Variants in ERBB4 observed in about 807,000 individuals in gnomAD.
ERBB4 encodes the protein erb-b2 receptor tyrosine kinase 4.
In ERBB4, 42 loss-of-function variants were observed where a neutral mutation model predicts 158.0. That is an observed-to-expected ratio of 0.27 (90% CI 0.21 to 0.34). The LOEUF (loss-of-function observed/expected upper bound fraction) is 0.34, where lower values mean the gene tolerates loss of function less well. ERBB4 is among the 10% of genes least tolerant of loss of function. The probability of loss-of-function intolerance (pLI) is 1.00; values close to 1 mark genes in which losing one functional copy is unlikely to be tolerated. For synonymous variants in ERBB4, 583 were observed against 558.7 expected (o/e 1.04, Z -0.61); for missense variants, 1,333 against 1,624.1 (o/e 0.82, Z 3.08).
intron 1 of ERBB4, among the ~76,000 whole-genome samples, chr2:212,178,688 T>A (rs1360533104): frequency 6.6e-6 from 1 of 151,702 alleles, no homozygotes; most frequent in African/African-American, 2.4e-5. Context: ...ACCACTAAAC[T>A]TTAAACTTTC....
intron 20 of ERBB4, among the ~76,000 whole-genome samples, chr2:211,451,699 G>A (rs1395880605): frequency 1.3e-5 from 2 of 152,246 alleles, no homozygotes; most frequent in Middle Eastern, 3.4e-3. Context: ...CAAGGTAAAT[G>A]CAACCTCTGG....
intron 12 of ERBB4, among the ~76,000 whole-genome samples, chr2:211,684,487 GA>G (rs1323819727): frequency 6.6e-6 from 1 of 151,838 alleles, no homozygotes; most frequent in Non-Finnish European, 1.5e-5. Flanking sequence ...AAGAAAAGAA[GA>G]AAAGAAAAGA....
intron 12 of ERBB4, among the ~76,000 whole-genome samples, chr2:211,696,078 CTTCCT>C (rs957936911): frequency 4.6e-5 from 6 of 130,608 alleles, no homozygotes; most frequent in African/African-American, 2.9e-5. Context: ...TCCTTCCTTC[CTTCCT>C]TTCTTCCTCT....
chr2:212,465,006 C>T (rs1171946065), intron 1 of ERBB4, among the ~76,000 whole-genome samples: 3 of 151,920 alleles, frequency 2.0e-5, no homozygotes, highest in African/African-American at 7.3e-5. Flanking sequence ...TAAAACTCTG[C>T]TCTTGCCTAG....
chr2:211,401,102 C>G (rs1020520347), intron 25 of ERBB4, among the ~76,000 whole-genome samples: 8 of 151,806 alleles, frequency 5.3e-5, no homozygotes, highest in African/African-American at 1.9e-4. Context: ...ATTAAAACTG[C>G]TATGCTTTTT....
chr2:212,367,319 C>T (rs1446278320), intron 1 of ERBB4, among the ~76,000 whole-genome samples: 3 of 151,900 alleles, frequency 2.0e-5, no homozygotes, highest in Non-Finnish European at 4.4e-5. Flanking sequence ...TCCAAGCAAA[C>T]AAAAACATAA....
intron 19 of ERBB4, among the ~76,000 whole-genome samples, chr2:211,583,468 T>C (rs1331910549): frequency 6.6e-6 from 1 of 151,842 alleles, no homozygotes; most frequent in Non-Finnish European, 1.5e-5. Flanking sequence ...GAGTAAGTTA[T>C]TTATATTCCC....
intron 2 of ERBB4, among the ~76,000 whole-genome samples, chr2:212,044,828 C>G (rs1202800676): frequency 6.6e-6 from 1 of 152,040 alleles, no homozygotes; most frequent in African/African-American, 2.4e-5. Context: ...CTGATTGAAG[C>G]TGAAAAAATA....
At chr2:212,184,537 C>T (rs956288604) in intron 1 of ERBB4, among the ~76,000 whole-genome samples, 12 of 152,008 alleles carry the variant, frequency 7.9e-5, no homozygotes, top group Admixed American at 2.6e-4. Context: ...CCTTCAAGTA[C>T]AGTCAAACAC....
At chr2:211,953,125 A>G (rs1650242201) in intron 2 of ERBB4, among the ~76,000 whole-genome samples, 1 of 152,050 alleles carries the variant, frequency 6.6e-6, no homozygotes. Context: ...GTCTTTTTAG[A>G]TATCGTTTTC....
intron 12 of ERBB4, among the ~76,000 whole-genome samples, chr2:211,685,682 T>C (rs2072535620): frequency 6.6e-6 from 1 of 152,200 alleles, no homozygotes; most frequent in Admixed American, 6.5e-5. Context: ...TTGATAAGAA[T>C]TGTACTAAAG....
rs1366343088 is a variant in ERBB4 at position 211,675,808 on chromosome 2, A to ATG, written c.1623-2552_1623-2551insCA. 4.0e-3 allele frequency among the ~76,000 whole-genome samples: 573 copies of ATG among 145,024 alleles called. 6 individuals are homozygous for ATG. The highest frequency in any genetic ancestry group is 0.013 in the African/African-American group (543 of 40,500). ...AATATAATATTATATATATATATAT[A>ATG]TAACAAATAGGCTCCCTGGATTTTG... On this transcript the variant is annotated intron_variant, in intron 13 of 27. Coordinates refer to ENST00000342788, the MANE Select transcript of ERBB4 (RefSeq NM_005235.3).
At chr2:211,440,970 C>T (rs2063960877) in intron 20 of ERBB4, among the ~76,000 whole-genome samples, 1 of 152,168 alleles carries the variant, frequency 6.6e-6, no homozygotes. Flanking sequence ...ATGTAAAACT[C>T]GCAAAAGTGG....
chr2:212,512,336 A>G (rs1691570083), intron 1 of ERBB4, among the ~76,000 whole-genome samples: 1 of 150,450 alleles, frequency 6.6e-6, no homozygotes. Context: ...ATATATATAT[A>G]TACACACAAA....
chr2:211,414,852 G>T, intron 25 of ERBB4, among the ~76,000 whole-genome samples: 1 of 152,056 alleles, frequency 6.6e-6, no homozygotes, highest in South Asian at 2.1e-4. Flanking sequence ...TGTAAGTTAC[G>T]TAAACTGTCC....
At chr2:212,445,427 C>T (rs1303953574) in intron 1 of ERBB4, among the ~76,000 whole-genome samples, 1 of 152,130 alleles carries the variant, frequency 6.6e-6, no homozygotes, top group African/African-American at 2.4e-5. Flanking sequence ...GGGAGGAATG[C>T]TGCCACCAGG....
At chr2:211,688,146 A>T (rs1453428356) in intron 12 of ERBB4, among the ~76,000 whole-genome samples, 1 of 152,266 alleles carries the variant, frequency 6.6e-6, no homozygotes, top group African/African-American at 2.4e-5. Context: ...AAATAATAAG[A>T]TGAAAATTTT....
intron 1 of ERBB4, among the ~76,000 whole-genome samples, chr2:212,385,280 T>C (rs1192314978): frequency 1.3e-5 from 2 of 151,770 alleles, no homozygotes; most frequent in Admixed American, 6.6e-5. Flanking sequence ...AAATCCTGGA[T>C]GGTGTGGGGT....
At chr2:212,171,241 T>C (rs994034745) in intron 1 of ERBB4, among the ~76,000 whole-genome samples, 1 of 152,132 alleles carries the variant, frequency 6.6e-6, no homozygotes, top group Non-Finnish European at 1.5e-5. Context: ...GTATCCCCTA[T>C]GTTTTGGCCA....
Sources: gnomAD v4.1 joint callset for allele counts (sites outside exome capture counted in the v4.1 genomes callset) on GRCh38, gnomAD v4.1.1 for gene constraint, MANE v1.5 for transcripts, NCBI Gene and HGNC (gene_info 2026-07-23, HGNC 2026-07-21) for gene names.